The following PTPRM variants were observed in gnomAD, a reference collection of about 807,000 sequenced individuals.
The protein encoded by PTPRM is receptor-type tyrosine-protein phosphatase mu.
A neutral mutation model predicts 186.7 loss-of-function variants in PTPRM; 47 were observed. The observed-to-expected ratio is 0.25, with a 90% CI of 0.20 to 0.32. PTPRM has a LOEUF of 0.32. Among genes scored for constraint, PTPRM ranks in the 10% least tolerant of loss-of-function variants. The pLI is 1.00. For missense variants in PTPRM, 1,494 were observed against 1,865.0 expected, an observed-to-expected ratio of 0.80 and a Z score of 3.66; for synonymous variants, 668 against 674.9, an observed-to-expected ratio of 0.99 and a Z score of 0.16.
chr18:7,848,769 C>T (rs2145913748), intron 2 of PTPRM, among the ~76,000 whole-genome samples: 1 of 152,224 alleles, frequency 6.6e-6, no homozygotes, highest in East Asian at 1.9e-4. Context: ...CCTTGAAAGA[C>T]AAAAATTTTA....
chr18:7,994,125 A>C (rs1227432737), intron 7 of PTPRM, among the ~76,000 whole-genome samples: 1 of 152,114 alleles, frequency 6.6e-6, no homozygotes, highest in African/African-American at 2.4e-5. Flanking sequence ...GATGGGAAAA[A>C]ATAATTTATG....
chr18:7,929,108 A>G (rs2146829231), intron 5 of PTPRM, among the ~76,000 whole-genome samples: 1 of 152,230 alleles, frequency 6.6e-6, no homozygotes, highest in South Asian at 2.1e-4. Context: ...CCCAGCGTGC[A>G]ATGTTTTATT....
At chr18:7,770,247 T>C (rs576320474) in intron 1 of PTPRM, among the ~76,000 whole-genome samples, 2 of 152,192 alleles carry the variant, frequency 1.3e-5, no homozygotes, top group Non-Finnish European at 2.9e-5. Context: ...CCTTAACATA[T>C]ATTTTTCATT....
intron 32 of PTPRM, 86 bp from the exon 33 acceptor site, chr18:8,406,023 A>G: frequency 8.2e-7 from 1 of 1,215,544 alleles, no homozygotes. Context: ...ATGTCTTCCC[A>G]TTAAGACCCT....
At chr18:7,790,020 A>G (rs2043263439) in intron 2 of PTPRM, among the ~76,000 whole-genome samples, 1 of 152,154 alleles carries the variant, frequency 6.6e-6, no homozygotes, top group Non-Finnish European at 1.5e-5. Context: ...GTAATTCCTT[A>G]AATCCCCCAG....
At chr18:7,677,416 G>A (rs2039369946) in intron 1 of PTPRM, among the ~76,000 whole-genome samples, 1 of 152,208 alleles carries the variant, frequency 6.6e-6, no homozygotes, top group African/African-American at 2.4e-5. Flanking sequence ...AATATCTGCA[G>A]TGATGGCCAC....
chr18:7,700,513 T>A (rs1286905358), intron 1 of PTPRM, among the ~76,000 whole-genome samples: 1 of 152,198 alleles, frequency 6.6e-6, no homozygotes, highest in Non-Finnish European at 1.5e-5. Flanking sequence ...GTGCAATGCA[T>A]GGATTTGGAA....
At chr18:7,700,866 T>A (rs1348871797) in intron 1 of PTPRM, among the ~76,000 whole-genome samples, 20 of 151,026 alleles carry the variant, frequency 1.3e-4, no homozygotes, top group Non-Finnish European at 2.4e-4. Flanking sequence ...AGTGTATACC[T>A]GTACTCCCAG....
At chr18:8,308,486 C>T (rs1332666426) in intron 20 of PTPRM, among the ~76,000 whole-genome samples, 1 of 152,124 alleles carries the variant, frequency 6.6e-6, no homozygotes, top group Non-Finnish European at 1.5e-5. Flanking sequence ...AAATAAATTA[C>T]TTAAGTTTAG....
intron 7 of PTPRM, among the ~76,000 whole-genome samples, chr18:7,981,504 C>T (rs186788346): frequency 1.3e-5 from 2 of 152,172 alleles, no homozygotes; most frequent in Non-Finnish European, 1.5e-5. Flanking sequence ...GCAGTCTCCC[C>T]TCCACCCCAA....
intron 28 of PTPRM, 84 bp from the exon 29 acceptor site, chr18:8,380,212 A>G (rs2095723840): frequency 6.8e-7 from 1 of 1,462,804 alleles, no homozygotes; most frequent in Non-Finnish European, 9.4e-7. Context: ...TTGTGCCACA[A>G]GCTTCCTTCT....
intron 7 of PTPRM, among the ~76,000 whole-genome samples, chr18:8,038,063 T>C (rs761711743): frequency 2.0e-5 from 3 of 152,182 alleles, no homozygotes; most frequent in Non-Finnish European, 4.4e-5. Flanking sequence ...TCTTAACTTA[T>C]GGTGCATATT....
chr18:7,604,697 A>G (rs1000021831), intron 1 of PTPRM, among the ~76,000 whole-genome samples: 1 of 152,220 alleles, frequency 6.6e-6, no homozygotes, highest in African/African-American at 2.4e-5. Flanking sequence ...GGTTAGCAGT[A>G]ACTGTATACA....
chr18:8,244,546 G>T (rs1162126232), intron 15 of PTPRM, among the ~76,000 whole-genome samples: 2 of 152,158 alleles, frequency 1.3e-5, no homozygotes, highest in African/African-American at 2.4e-5. Context: ...AACTATCCAG[G>T]TGTGGAATTA....
At chr18:8,021,322 ACAC>A (rs2085210555) in intron 7 of PTPRM, among the ~76,000 whole-genome samples, 3 of 18,360 alleles carry the variant, frequency 1.6e-4, no homozygotes, top group African/African-American at 1.1e-3. Context: ...AAAGAGACAC[ACAC>A]ACACACACAC....
intron 19 of PTPRM, among the ~76,000 whole-genome samples, chr18:8,283,144 G>T (rs2094921847): frequency 6.6e-6 from 1 of 152,086 alleles, no homozygotes; most frequent in Non-Finnish European, 1.5e-5. Flanking sequence ...TTTGATTGGA[G>T]ATCTACACTT....
At chr18:7,811,622 C>T (rs945425467) in intron 2 of PTPRM, among the ~76,000 whole-genome samples, 1 of 152,188 alleles carries the variant, frequency 6.6e-6, no homozygotes, top group Non-Finnish European at 1.5e-5. Context: ...ATCTCAGCCT[C>T]CTAACATGTT....
At chr18:8,338,001 G>A (rs1355321029) in intron 22 of PTPRM, among the ~76,000 whole-genome samples, 1 of 152,204 alleles carries the variant, frequency 6.6e-6, no homozygotes, top group Admixed American at 6.5e-5. Context: ...CGGATTCAGG[G>A]GAGGCCCCAT....
intron 1 of PTPRM, among the ~76,000 whole-genome samples, chr18:7,663,172 G>T (rs1410227489): frequency 6.6e-6 from 1 of 152,178 alleles, no homozygotes; most frequent in East Asian, 1.9e-4. Context: ...GAACCCCCAG[G>T]CCATGGACAT....
Sources: allele counts gnomAD v4.1 joint callset (sites outside exome capture counted in the v4.1 genomes callset), GRCh38; gene constraint gnomAD v4.1.1; transcripts MANE v1.5; gene names NCBI Gene and HGNC (gene_info 2026-07-23, HGNC 2026-07-21).